GABRA4: variants seen among roughly 807,000 people sequenced by gnomAD.
The protein encoded by GABRA4 is gamma-aminobutyric acid type A receptor subunit alpha4.
GABRA4 carries 12 observed loss-of-function variants against 49.7 expected under a neutral mutation model. The observed-to-expected ratio is 0.24, with a 90% CI of 0.15 to 0.39. The LOEUF is 0.39. GABRA4 is among the 10% of genes least tolerant of loss of function. GABRA4 has a pLI of 1.00. For missense variants in GABRA4, 506 were observed against 686.0 expected (o/e 0.74, Z 2.93); for synonymous variants, 288 against 240.2 (o/e 1.20, Z -1.84).
intron 2 of GABRA4, among the ~76,000 whole-genome samples, chr4:46,986,806 T>C (rs1262674568): frequency 6.6e-6 from 1 of 152,118 alleles, no homozygotes; most frequent in Non-Finnish European, 1.5e-5. Flanking sequence ...TTTTTCTAGG[T>C]GTTCAAATCA....
chr4:46,957,122 A>G (rs1722393271), intron 8 of GABRA4, among the ~76,000 whole-genome samples: 2 of 152,012 alleles, frequency 1.3e-5, no homozygotes, highest in African/African-American at 4.8e-5. Context: ...ATGGAATGAC[A>G]TAACTTAATC....
chr4:46,965,066 A>C lies in GABRA4; in HGVS notation c.1038T>G (p.Ile346Met). ...TCTTCCTTTTGGCTTTTTCCATTTG[A>C]ATATTGGTGAAATAGTTGACAGCAG... Reference protein sequence around the residue: ...EFAAVNYFTNIQMEKAKRKTS... With the variant: ...EFAAVNYFTNMQMEKAKRKTS... The change falls in exon 8 of 9, where the codon ATT becomes ATG. Residue 346 changes from isoleucine to methionine, a missense_variant. Ile to Met is a conservative substitution (Grantham distance 10, BLOSUM62 1). This residue lies in a region of GABRA4 where 243 missense variants were observed against 210.8 expected (regional missense o/e 1.15). Transcript: ENST00000264318. 1 of 1,612,074 alleles carries C rather than the reference A, an allele frequency of 6.2e-7. No individual in the cohort carries two copies. The highest frequency in any genetic ancestry group is 8.5e-7 in the Non-Finnish European group (1 of 1,178,806).
intron 8 of GABRA4, among the ~76,000 whole-genome samples, chr4:46,941,613 A>G (rs1321080875): frequency 6.6e-6 from 1 of 152,092 alleles, no homozygotes; most frequent in East Asian, 1.9e-4. Flanking sequence ...TTATTTCTAT[A>G]CTCAGATATT....
chr4:46,941,864 G>T (rs1721809966), intron 8 of GABRA4, among the ~76,000 whole-genome samples: 3 of 152,200 alleles, frequency 2.0e-5, no homozygotes, highest in Middle Eastern at 3.4e-3. Context: ...AGGCTTAAAA[G>T]GTTTCCTCTG....
intron 8 of GABRA4, among the ~76,000 whole-genome samples, chr4:46,949,955 G>T (rs529392645): frequency 6.6e-6 from 1 of 152,066 alleles, no homozygotes; most frequent in Non-Finnish European, 1.5e-5. Flanking sequence ...TCTGTCAGCA[G>T]ATCAGGTCCC....
intron 1 of GABRA4, 93 bp downstream of exon 1, chr4:46,993,246 C>T: frequency 1.9e-6 from 2 of 1,065,776 alleles, no homozygotes; most frequent in Non-Finnish European, 2.9e-6. Context: ...AAGACCTAGT[C>T]CACCCAGGGA....
At position 46,923,285 on chromosome 4, in the gene GABRA4, C is replaced by T. The variant is rs1005466799; in HGVS notation, c.*4940G>A. The T allele has an allele frequency of 2.2e-4, 33 of 152,026 alleles. No individual in the cohort carries two copies. The highest frequency in any genetic ancestry group is 8.0e-4 in the African/African-American group (33 of 41,482). The allele number at this position is 152,026 out of a possible 1,614,324, so 9.4% of individuals were successfully genotyped here. A position where few individuals can be genotyped will look rare whatever the true frequency, so the allele number is the denominator to read the frequency against. The stretch of plus-strand genomic sequence containing the variant: ...TAAATCTCTTGCTTTAAAGAAGCAC[C>T]ATCCAAATTTCAACAATTTCTTCAG... On this transcript the variant is annotated 3_prime_UTR_variant, in exon 9 of 9. Transcript: ENST00000264318.
chr4:46,969,652 A>G (rs1382645900), intron 7 of GABRA4, among the ~76,000 whole-genome samples: 1 of 151,532 alleles, frequency 6.6e-6, no homozygotes, highest in Non-Finnish European at 1.5e-5. Flanking sequence ...AGTGGTCCAG[A>G]TACCCTATAT....
At position 46,978,707 on chromosome 4, in the gene GABRA4, A is replaced by AG. The variant is rs1723238209; in HGVS notation, c.273+323_273+324insC. On this transcript the variant is annotated intron_variant, in intron 3 of 8. Transcript: ENST00000264318. ...CATCTCAAAAAAAAAAAAAAAAAAA[A>AG]AAAAAAGAAAAAGAAAGAAAGAAAA... is the stretch of plus-strand genomic sequence containing the variant. 6.0e-5 allele frequency among the ~76,000 whole-genome samples: 9 copies of AG among 149,944 alleles called. No homozygotes were observed. In the South Asian group the frequency reaches 1.9e-3, roughly 31 times the overall value.
rs747020487 is a variant in GABRA4 at position 46,928,631 on chromosome 4, G to T, written c.1259C>A (p.Ser420Tyr). 5.0e-6 allele frequency: 8 copies of T among 1,613,720 alleles called. No homozygotes were observed. In the South Asian group the frequency reaches 8.8e-5, roughly 18 times the overall value. The change falls in exon 9 of 9, where the codon TCT becomes TAT. Residue 420 changes from serine (S) to tyrosine (Y), a missense_variant. Transcript: ENST00000264318. The stretch of plus-strand genomic sequence containing the variant: ...GTAAGACCGAGGTGTGCCTTTAGAA[G>T]ATTCTTGAACAACTGTGGAAGATTT... ...SSKSSTVVQE[S>Y]SKGTPRSYLA...
chr4:46,991,402 A>T (rs142481555), intron 2 of GABRA4, among the ~76,000 whole-genome samples: 1 of 152,036 alleles, frequency 6.6e-6, no homozygotes, highest in East Asian at 1.9e-4. Context: ...GAAACACCCA[A>T]CTCTACTTTA....
intron 8 of GABRA4, among the ~76,000 whole-genome samples, chr4:46,930,365 ACAG>A (rs1721385625): frequency 1.3e-5 from 2 of 152,128 alleles, no homozygotes; most frequent in South Asian, 4.1e-4. Flanking sequence ...ATCTCTTGTT[ACAG>A]AAAAGGATAG....
At chr4:46,962,223 A>G (rs1183875899) in intron 8 of GABRA4, among the ~76,000 whole-genome samples, 1 of 151,928 alleles carries the variant, frequency 6.6e-6, no homozygotes, top group Non-Finnish European at 1.5e-5. Flanking sequence ...AGACTCCACA[A>G]GAAAACTATT....
intron 8 of GABRA4, among the ~76,000 whole-genome samples, chr4:46,930,948 G>GA (rs1157182801): frequency 6.6e-6 from 1 of 151,540 alleles, no homozygotes; most frequent in East Asian, 1.9e-4. Context: ...TTTAGGAAAG[G>GA]AAAAAACAGA....
At chr4:46,987,519 C>G (rs1008503284) in intron 2 of GABRA4, among the ~76,000 whole-genome samples, 3 of 152,062 alleles carry the variant, frequency 2.0e-5, no homozygotes, top group Admixed American at 6.6e-5. Flanking sequence ...GCAGTCCTCC[C>G]CAGCTTTAAA....
rs868420357 is a variant in GABRA4, at chr4:46,993,510, G to A, written c.-86C>T. Reference sequence around the variant, plus strand: ...CAGGGTGCGAGGAGAGGGCAGAGAGGCTCCCGCGGCGTGCGCACACTCGCG... The same window carrying A: ...CAGGGTGCGAGGAGAGGGCAGAGAGACTCCCGCGGCGTGCGCACACTCGCG... On this transcript the variant is annotated 5_prime_UTR_variant, in exon 1 of 9. Coordinates refer to ENST00000264318, the MANE Select transcript of GABRA4 (RefSeq NM_000809.4). The A allele has an allele frequency of 1.4e-6, 2 of 1,400,604 alleles. No individual in the cohort carries two copies. The highest frequency in any genetic ancestry group is 2.0e-6 in the Non-Finnish European group (2 of 997,616). The allele number at this position is 1,400,604 out of a possible 1,614,324, so 86.8% of individuals were successfully genotyped here.
At chr4:46,973,314 T>C (rs1723016065) in intron 6 of GABRA4, among the ~76,000 whole-genome samples, 1 of 151,694 alleles carries the variant, frequency 6.6e-6, no homozygotes, top group African/African-American at 2.4e-5. Flanking sequence ...CCTTTATGAA[T>C]AGAATTAGTG....
chr4:46,964,716 A>T (rs1033960483), intron 8 of GABRA4, among the ~76,000 whole-genome samples: 13 of 151,812 alleles, frequency 8.6e-5, no homozygotes, highest in African/African-American at 3.1e-4. Context: ...CTGTAAAAAA[A>T]ACCTGTAACT....
intron 5 of GABRA4, among the ~76,000 whole-genome samples, chr4:46,975,368 A>C (rs1304753131): frequency 6.6e-6 from 1 of 151,986 alleles, no homozygotes; most frequent in African/African-American, 2.4e-5. Context: ...AAATATATTC[A>C]CACTTCAGTA....
Sources: gnomAD v4.1 joint callset for allele counts (sites outside exome capture counted in the v4.1 genomes callset) on GRCh38, gnomAD v4.1.1 for gene constraint, gnomAD v4.1.1 regional missense constraint, MANE v1.5 for transcripts, NCBI Gene and HGNC (gene_info 2026-07-23, HGNC 2026-07-21) for gene names.